The following NELL2 variants were observed in gnomAD, a reference collection of about 807,000 sequenced individuals.
The protein encoded by NELL2 is neural EGFL like 2, also known as protein kinase C-binding protein NELL2.
In NELL2, 41 loss-of-function variants were observed where a neutral mutation model predicts 109.6. The observed-to-expected ratio is 0.37, with a 90% confidence interval of 0.29 to 0.49. The LOEUF (loss-of-function observed/expected upper bound fraction) is 0.49, where lower values mean the gene tolerates loss of function less well. NELL2 is among the 20% of genes least tolerant of loss of function. The pLI is 0.98. For synonymous variants in NELL2, 355 were observed against 344.7 expected (o/e 1.03, Z -0.33); for missense variants, 900 against 1,008.3 (o/e 0.89, Z 1.45).
At position 44,549,860 on chromosome 12, in the gene NELL2, C is replaced by T. The variant is rs150634480; in HGVS notation, c.1664-17139G>A. Among the ~76,000 whole-genome samples, 622 of 152,138 alleles carry T rather than the reference C, an allele frequency of 4.1e-3. 26 individuals are homozygous for T. In the East Asian group the frequency reaches 0.075, roughly 18 times the overall value. ...AGCCAATGTATTCCTATCAAAACTC[C>T]AATAGCATTTTTCACAGAAATAAAA... On this transcript the variant is annotated intron_variant, in intron 15 of 19. Coordinates refer to ENST00000429094, the MANE Select transcript of NELL2 (RefSeq NM_001145108.2).
intron 1 of NELL2, among the ~76,000 whole-genome samples, chr12:44,886,891 A>G (rs1331271794): frequency 6.6e-6 from 1 of 151,934 alleles, no homozygotes; most frequent in Non-Finnish European, 1.5e-5. Context: ...TTTAGCTCCC[A>G]TATATGAGTG....
In NELL2 at chr12:44,876,086, C is replaced by T; in HGVS notation, c.-217G>A. The T allele has an allele frequency of 2.2e-6, 3 of 1,381,676 alleles. No homozygotes were observed. The highest frequency in any genetic ancestry group is 2.8e-6 in the Non-Finnish European group (3 of 1,070,106). The allele number at this position is 1,381,676 out of a possible 1,614,324, so 85.6% of individuals were successfully genotyped here. ...TAGACCCTCCAATGCGCACATCATT[C>T]CCACACGCAGGGCCGAGGCGGCAGC... is the stretch of plus-strand genomic sequence containing the variant. On this transcript the variant is annotated 5_prime_UTR_variant, in exon 1 of 20. Transcript: ENST00000429094.
At chr12:44,623,006 A>G (rs1847506431) in intron 13 of NELL2, among the ~76,000 whole-genome samples, 1 of 152,094 alleles carries the variant, frequency 6.6e-6, no homozygotes, top group Non-Finnish European at 1.5e-5. Context: ...CAGACTATTT[A>G]TTTCTAACAT....
intron 12 of NELL2, among the ~76,000 whole-genome samples, chr12:44,685,801 G>A (rs1948695817): frequency 1.3e-5 from 2 of 152,118 alleles, no homozygotes; most frequent in African/African-American, 4.8e-5. Flanking sequence ...AGTCTGATGG[G>A]CTTCCCTTTG....
At chr12:44,920,796 AAG>A (rs1014804628) in intron 1 of NELL2, among the ~76,000 whole-genome samples, 1 of 152,190 alleles carries the variant, frequency 6.6e-6, no homozygotes. Context: ...TTTACACAGC[AAG>A]AGAGAGAGTA....
At chr12:44,745,269 C>A (rs190057589) in intron 9 of NELL2, among the ~76,000 whole-genome samples, 1 of 152,116 alleles carries the variant, frequency 6.6e-6, no homozygotes, top group African/African-American at 2.4e-5. Flanking sequence ...GCTAAAAACT[C>A]CCAATAAATT....
chr12:44,864,588 A>G (rs1314056329), intron 2 of NELL2, among the ~76,000 whole-genome samples: 1 of 152,248 alleles, frequency 6.6e-6, no homozygotes, highest in Non-Finnish European at 1.5e-5. Flanking sequence ...ATCTAAAAGA[A>G]GAGATAGACT....
At chr12:44,650,179 G>T (rs919055066) in intron 13 of NELL2, among the ~76,000 whole-genome samples, 1 of 151,880 alleles carries the variant, frequency 6.6e-6, no homozygotes, top group Non-Finnish European at 1.5e-5. Context: ...ATAATATCTT[G>T]TTACCTCCTT....
chr12:44,545,804 T>C (rs547063864), intron 15 of NELL2, among the ~76,000 whole-genome samples: 26 of 152,220 alleles, frequency 1.7e-4, no homozygotes, highest in African/African-American at 6.3e-4. Flanking sequence ...CTATTGGCTC[T>C]GCATTATTAA....
chr12:44,628,216 G>T, intron 13 of NELL2, among the ~76,000 whole-genome samples: 1 of 152,168 alleles, frequency 6.6e-6, no homozygotes, highest in Non-Finnish European at 1.5e-5. Flanking sequence ...ATAACAACAT[G>T]CAATGTTAAT....
chr12:44,877,500 T>A (rs1237012459), upstream of NELL2, among the ~76,000 whole-genome samples: 1 of 152,226 alleles, frequency 6.6e-6, no homozygotes, highest in Admixed American at 6.5e-5. Context: ...TAACCTTCCA[T>A]GCAAACATGT....
At chr12:44,743,277 G>A in intron 9 of NELL2, among the ~76,000 whole-genome samples, 1 of 152,126 alleles carries the variant, frequency 6.6e-6, no homozygotes, top group Admixed American at 6.5e-5. Flanking sequence ...CACCAGGCCT[G>A]CCCTAAAAGA....
At chr12:44,640,682 TA>T (rs1228701209) in intron 13 of NELL2, among the ~76,000 whole-genome samples, 1 of 152,098 alleles carries the variant, frequency 6.6e-6, no homozygotes, top group Non-Finnish European at 1.5e-5. Flanking sequence ...TTTTTTTTTT[TA>T]AATAGAGTTA....
At chr12:44,806,451 C>G in intron 3 of NELL2, among the ~76,000 whole-genome samples, 1 of 151,898 alleles carries the variant, frequency 6.6e-6, no homozygotes, top group East Asian at 1.9e-4. Context: ...ATTACACATA[C>G]ACATACATAT....
At chr12:44,693,115 CTTATT>C (rs1403754133) in intron 12 of NELL2, among the ~76,000 whole-genome samples, 1 of 152,114 alleles carries the variant, frequency 6.6e-6, no homozygotes, top group Admixed American at 6.6e-5. Flanking sequence ...TCATCGTTAT[CTTATT>C]TTAAGAAATT....
At chr12:44,612,737 A>G (rs950226337) in intron 13 of NELL2, among the ~76,000 whole-genome samples, 5 of 151,966 alleles carry the variant, frequency 3.3e-5, no homozygotes, top group African/African-American at 9.7e-5. Context: ...TGCCGCAGTT[A>G]ATCTATAAAT....
intron 13 of NELL2, among the ~76,000 whole-genome samples, chr12:44,640,252 G>T (rs981050572): frequency 6.6e-6 from 1 of 152,046 alleles, no homozygotes; most frequent in Non-Finnish European, 1.5e-5. Flanking sequence ...AGGAACTATG[G>T]GAACACTTTT....
intron 12 of NELL2, among the ~76,000 whole-genome samples, chr12:44,676,762 G>T (rs140656081): frequency 1.3e-5 from 2 of 152,146 alleles, no homozygotes; most frequent in African/African-American, 2.4e-5. Flanking sequence ...CTCAGACAGG[G>T]TTGAGAGTGT....
At chr12:44,528,212 C>T (rs376077586) in intron 16 of NELL2, among the ~76,000 whole-genome samples, 1 of 147,044 alleles carries the variant, frequency 6.8e-6, no homozygotes, top group East Asian at 2.0e-4. Context: ...AATCATCTTT[C>T]CAGAAGAGTT....
Sources: allele counts gnomAD v4.1 joint callset (sites outside exome capture counted in the v4.1 genomes callset), GRCh38; gene constraint gnomAD v4.1.1; transcripts MANE v1.5; gene names NCBI Gene and HGNC (gene_info 2026-07-23, HGNC 2026-07-21).